Variants in STAT1 observed in about 807,000 individuals in gnomAD.
STAT1 encodes the protein signal transducer and activator of transcription 1-alpha/beta.
STAT1 carries 24 observed loss-of-function variants against 111.7 expected under a neutral mutation model. The observed-to-expected ratio is 0.21, with a 90% CI of 0.16 to 0.30. STAT1 has a LOEUF of 0.30. Ranked by LOEUF, STAT1 falls within the 10% of genes least tolerant of loss-of-function variation. The pLI is 1.00. For synonymous variants in STAT1, 332 were observed against 326.5 expected (o/e 1.02, Z -0.18); for missense variants, 351 against 911.9 (o/e 0.38, Z 7.92).
intron 2 of STAT1, among the ~76,000 whole-genome samples, chr2:191,011,463 T>C (rs1046786070): frequency 1.3e-5 from 2 of 152,010 alleles, no homozygotes; most frequent in Admixed American, 6.5e-5. Context: ...GTCATCCAGG[T>C]TGGAGCGCAG....
rs1490919899 is a variant in STAT1, at chr2:190,996,761, T to TC, written c.785+1094dup. The stretch of plus-strand genomic sequence containing the variant: ...CAATATAGAAAATAACCTCGTGAGA[T>TC]CTCTGGTCCTTGGACCCTTAGCAAT... On this transcript the variant is annotated intron_variant, in intron 9 of 24. Transcript: ENST00000361099. This position sits in a 1 kb window ranked among gnomAD's most constrained non-coding sequence, Gnocchi z 4.5. Among the ~76,000 whole-genome samples the TC allele has an allele frequency of 2.0e-5, 3 of 152,096 alleles. No individual in the cohort carries two copies. In the East Asian group the frequency reaches 5.8e-4, roughly 29 times the overall value.
Position 190,991,882 on chromosome 2 carries a change from C to A in STAT1, c.945-562G>T, listed in dbSNP as rs147615740. The stretch of plus-strand genomic sequence containing the variant: ...AAAAATCCAAAATAAAAAATAAAAA[C>A]CCCGTATTTAATTATGTTCATTTAC... On this transcript the variant is annotated intron_variant, in intron 10 of 24. Coordinates refer to ENST00000361099, the MANE Select transcript of STAT1 (RefSeq NM_007315.4). Among the ~76,000 whole-genome samples, 313 of 152,050 alleles carry A rather than the reference C, an allele frequency of 2.1e-3. 2 individuals carry two copies. The highest frequency in any genetic ancestry group is 6.9e-3 in the African/African-American group (286 of 41,456).
At position 190,977,780 on chromosome 2, in the gene STAT1, C is replaced by T. The variant is rs984961662; in HGVS notation, c.1874-755G>A. 6.6e-6 allele frequency among the ~76,000 whole-genome samples: 1 copy of T among 152,066 alleles called. No individual in the cohort carries two copies. Among genetic ancestry groups the T allele is most frequent in the Non-Finnish European group, 1.5e-5 (1 of 68,024 alleles). ...TTCATCTCTGCTTGGTCTACTATATCTGTCTCTCAGCTGGTTCAGGAAGGG... is the reference window on the plus strand; with the variant it reads ...TTCATCTCTGCTTGGTCTACTATATTTGTCTCTCAGCTGGTTCAGGAAGGG... On this transcript the variant is annotated intron_variant, in intron 21 of 24. Coordinates refer to ENST00000361099, the MANE Select transcript of STAT1 (RefSeq NM_007315.4). The surrounding 1 kb of genome is among the most constrained non-coding windows in gnomAD (Gnocchi z 4.7).
In STAT1 at chr2:190,997,718, T is replaced by C. The variant is rs562954172; in HGVS notation, c.785+138A>G. 15 of 1,326,822 alleles carry C rather than the reference T, an allele frequency of 1.1e-5. No individual in the cohort carries two copies. The East Asian group carries it at 3.4e-4, about 30-fold the overall frequency. 82.2% of individuals were successfully genotyped at this position (1,326,822 alleles called of 1,614,324 possible). A position where few individuals can be genotyped will look rare whatever the true frequency, so the allele number is the denominator to read the frequency against. On this transcript the variant is annotated intron_variant, in intron 9 of 24. Transcript: ENST00000361099. The surrounding 1 kb of genome is among the most constrained non-coding windows in gnomAD (Gnocchi z 7.3). ...GCTTTCCAAGGGAGTGTTTCCAGGG[T>C]AAGCAGAAGCTGGACTATGTCAAAC...
chr2:191,010,813 C>T (rs752235074), intron 2 of STAT1, among the ~76,000 whole-genome samples: 6 of 152,162 alleles, frequency 3.9e-5, no homozygotes, highest in Non-Finnish European at 8.8e-5. Context: ...TAAAGTAACA[C>T]TTAGCTTTTT....
rs1047331089 is a variant in STAT1 at position 190,973,118 on chromosome 2, G to A, written c.2238+1712C>T. Among the ~76,000 whole-genome samples, 4 of 151,952 alleles carry A rather than the reference G, an allele frequency of 2.6e-5. No homozygotes were observed. Among genetic ancestry groups the A allele is most frequent in the South Asian group, 2.1e-4 (1 of 4,816 alleles). On this transcript the variant is annotated intron_variant, in intron 24 of 24. Transcript: ENST00000361099. The surrounding 1 kb of genome is among the most constrained non-coding windows in gnomAD (Gnocchi z 4.4). ...TGATTGCCAAATCCCAAACACATAC[G>A]GGCCTCTCACCCAAAGGCCATGATG...
rs2125061886 is a variant in STAT1 at position 190,995,093 on chromosome 2, G to A, written c.912C>T (p.Arg304=). The stretch of plus-strand genomic sequence containing the variant: ...TGAGCTGCTGGAAAAGACTGAAGGT[G>A]CGGTCCCATAACACTTGTTTGTTTT... The part of the protein sequence containing the change: ...ITKNKQVLWD[R]TFSLFQQLIQ... Residue 304 remains arginine (R), a synonymous_variant, in exon 10 of 25, where the codon CGC becomes CGT. Transcript: ENST00000361099. The surrounding 1 kb of genome is among the most constrained non-coding windows in gnomAD (Gnocchi z 4.2). 3 of 1,613,864 alleles carry A rather than the reference G, an allele frequency of 1.9e-6. No individual in the cohort carries two copies. Among genetic ancestry groups the A allele is most frequent in the East Asian group, 2.2e-5 (1 of 44,880 alleles).
rs1336590035 is a variant in STAT1 at position 191,009,222 on chromosome 2, T to C, written c.129-115A>G. 36 of 1,292,338 alleles carry C rather than the reference T, an allele frequency of 2.8e-5. No individual in the cohort carries two copies. In the East Asian group the frequency reaches 9.2e-4, roughly 33 times the overall value. The allele number at this position is 1,292,338 out of a possible 1,614,324, so 80.1% of individuals were successfully genotyped here. A position where few individuals can be genotyped will look rare whatever the true frequency, so the allele number is the denominator to read the frequency against. ...ATTAAAAATAATTTAAGTATTTTCTTAGGTTTATTTTCTTCTTTTGAAACT... is the reference window on the plus strand; with the variant it reads ...ATTAAAAATAATTTAAGTATTTTCTCAGGTTTATTTTCTTCTTTTGAAACT... On this transcript the variant is annotated intron_variant, in intron 3 of 24. Transcript: ENST00000361099.
Position 190,993,512 on chromosome 2 carries a change from G to T in STAT1, c.944+1549C>A. ...GGAGGCAAGACTTTCCAACCCCAGA[G>T]TCGCCAATCAGAAGTAATTTGAATA... On this transcript the variant is annotated intron_variant, in intron 10 of 24. Transcript: ENST00000361099. This position sits in a 1 kb window ranked among gnomAD's most constrained non-coding sequence, Gnocchi z 4.1. 1.3e-6 allele frequency: 1 copy of T among 793,458 alleles called. No homozygotes were observed. The highest frequency in any genetic ancestry group is 2.2e-6 in the Non-Finnish European group (1 of 462,262). The allele number at this position is 793,458 out of a possible 1,614,324, so 49.2% of individuals were successfully genotyped here.
chr2:190,976,962 T>C lies in STAT1; in HGVS notation c.1937A>G (p.Asp646Gly). 6.2e-7 allele frequency: 1 copy of C among 1,614,216 alleles called. No individual in the cohort carries two copies. The highest frequency in any genetic ancestry group is 8.5e-7 in the Non-Finnish European group (1 of 1,180,032). The change falls in exon 22 of 25, where the codon GAC becomes GGC. Residue 646 changes from aspartate to glycine, a missense_variant. This residue lies in a region of STAT1 where 181 missense variants were observed against 426.1 expected (regional missense o/e 0.42). Coordinates refer to ENST00000361099, the MANE Select transcript of STAT1 (RefSeq NM_007315.4). This position sits in a 1 kb window ranked among gnomAD's most constrained non-coding sequence, Gnocchi z 6.0. The part of the protein sequence containing the change: ...KKELSAVTFP[D>G]IIRNYKVMAA... ...CATGACTTTGTAATTGCGAATGATG[T>C]CAGGGAAAGTAACAGCAGAAAGTTC...
chr2:190,975,254 G>A lies in STAT1; in HGVS notation c.2136-322C>T. 2.2e-6 allele frequency: 1 copy of A among 460,518 alleles called. No individual in the cohort carries two copies. Among genetic ancestry groups the A allele is most frequent in the Non-Finnish European group, 4.4e-6 (1 of 228,658 alleles). 28.5% of individuals were successfully genotyped at this position (460,518 alleles called of 1,614,324 possible). A position where few individuals can be genotyped will look rare whatever the true frequency, so the allele number is the denominator to read the frequency against. On this transcript the variant is annotated intron_variant, in intron 23 of 24. Coordinates refer to ENST00000361099, the MANE Select transcript of STAT1 (RefSeq NM_007315.4). This position sits in a 1 kb window ranked among gnomAD's most constrained non-coding sequence, Gnocchi z 5.9. ...TACCCTGAGATGACAATGCCTCGTGGCTTACCCTGGACAGAAAAGCACCAG... is the reference window on the plus strand; with the variant it reads ...TACCCTGAGATGACAATGCCTCGTGACTTACCCTGGACAGAAAAGCACCAG...
At chr2:191,013,946 C>G (rs1247923206) in intron 1 of STAT1, 72 bp downstream of exon 1, 1 of 314,154 alleles carries the variant, frequency 3.2e-6, no homozygotes, top group African/African-American at 2.1e-5. Context: ...CGCCCGGCGT[C>G]CAACTGCACG....
At chr2:191,009,360 AG>A (rs1368078375) in intron 3 of STAT1, among the ~76,000 whole-genome samples, 5 of 152,194 alleles carry the variant, frequency 3.3e-5, no homozygotes, top group African/African-American at 7.2e-5. Context: ...CTATCTCTGA[AG>A]GGGGAAAAGT....
At chr2:190,972,854 A>T (rs1234335265) in intron 24 of STAT1, among the ~76,000 whole-genome samples, 1 of 121,772 alleles carries the variant, frequency 8.2e-6, no homozygotes, top group African/African-American at 3.1e-5. Flanking sequence ...TGTGTGTGTG[A>T]AATGGATTTA....
chr2:191,002,133 T>C (rs972457598), intron 5 of STAT1, among the ~76,000 whole-genome samples: 1 of 152,188 alleles, frequency 6.6e-6, no homozygotes, highest in African/African-American at 2.4e-5. Context: ...ACTTGCAAGG[T>C]TTCCTTTTTT....
At chr2:191,002,425 A>G (rs568880872) in intron 5 of STAT1, among the ~76,000 whole-genome samples, 112 of 152,284 alleles carry the variant, frequency 7.4e-4, no homozygotes, top group African/African-American at 2.6e-3. Context: ...TAGAGGATTT[A>G]TAGTCTGTCT....
Position 190,974,750 on chromosome 2 carries a change from G to A in STAT1, c.2238+80C>T, listed in dbSNP as rs1048215995. On this transcript the variant is annotated intron_variant, in intron 24 of 24. Transcript: ENST00000361099. This position sits in a 1 kb window ranked among gnomAD's most constrained non-coding sequence, Gnocchi z 4.8. ...AGGGCTCCCTCCCGCAGACAGGCCC[G>A]GGATCTGCCATGGTGCGCTCCCTGC... 10 of 1,282,516 alleles carry A rather than the reference G, an allele frequency of 7.8e-6. No individual in the cohort carries two copies. Among genetic ancestry groups the A allele is most frequent in the South Asian group, 2.4e-5 (2 of 83,544 alleles). The allele number at this position is 1,282,516 out of a possible 1,614,324, so 79.4% of individuals were successfully genotyped here.
At chr2:191,010,041 A>G (rs745411256) in intron 2 of STAT1, 37 bp from the exon 3 acceptor site, 1 of 1,611,766 alleles carries the variant, frequency 6.2e-7, no homozygotes, top group South Asian at 1.1e-5. Context: ...TTCTATGTAT[A>G]TGGAAACCAT....
At chr2:190,992,383 T>C (rs1488391413) in intron 10 of STAT1, among the ~76,000 whole-genome samples, 4 of 152,054 alleles carry the variant, frequency 2.6e-5, no homozygotes, top group African/African-American at 9.7e-5. Flanking sequence ...GAAAACAGTC[T>C]GATATCAGGA....
Sources: gnomAD v4.1 joint callset for allele counts (sites outside exome capture counted in the v4.1 genomes callset) on GRCh38, gnomAD v4.1.1 for gene constraint, gnomAD v4.1.1 regional missense constraint, Gnocchi (gnomAD v3.1) non-coding constraint, MANE v1.5 for transcripts, NCBI Gene and HGNC (gene_info 2026-07-23, HGNC 2026-07-21) for gene names.